Variants in HIVEP3 observed in about 807,000 individuals in gnomAD.
HIVEP3 encodes transcription factor HIVEP3.
A neutral mutation model predicts 152.8 loss-of-function variants in HIVEP3; 49 were observed. The ratio of observed to expected loss-of-function variants is 0.32; its 90% CI spans 0.26 to 0.41. The LOEUF is 0.41. Among genes scored for constraint, HIVEP3 ranks in the 10% least tolerant of loss-of-function variants. The probability of loss-of-function intolerance (pLI) is 1.00; values close to 1 mark genes in which losing one functional copy is unlikely to be tolerated. For missense variants in HIVEP3, 2,790 were observed against 3,103.3 expected (o/e 0.90, Z 2.40); for synonymous variants, 1,269 against 1,289.0 (o/e 0.98, Z 0.33).
intron 1 of HIVEP3, among the ~76,000 whole-genome samples, chr1:41,907,293 G>A (rs1197160566): frequency 6.6e-6 from 1 of 152,150 alleles, no homozygotes; most frequent in African/African-American, 2.4e-5. Context: ...GTAGGGGAGA[G>A]GGGCTACAGT....
chr1:41,602,796 G>A (rs1313959157), intron 3 of HIVEP3, among the ~76,000 whole-genome samples: 1 of 151,796 alleles, frequency 6.6e-6, no homozygotes, highest in East Asian at 1.9e-4. Flanking sequence ...AGGTCTTTGA[G>A]GTATAAAGTT....
chr1:41,753,536 C>T (rs1041071292), intron 1 of HIVEP3, among the ~76,000 whole-genome samples: 3 of 151,886 alleles, frequency 2.0e-5, no homozygotes, highest in East Asian at 1.9e-4. Context: ...GGTGTGGTGG[C>T]ATGTGCCTGT....
At chr1:41,690,796 T>C (rs1030056442) in intron 2 of HIVEP3, among the ~76,000 whole-genome samples, 13 of 152,148 alleles carry the variant, frequency 8.5e-5, no homozygotes, top group African/African-American at 3.1e-4. Context: ...TGGGCACCTG[T>C]AATCCCAGCT....
At chr1:41,707,877 T>C (rs1180817282) in intron 1 of HIVEP3, among the ~76,000 whole-genome samples, 1 of 152,252 alleles carries the variant, frequency 6.6e-6, no homozygotes, top group East Asian at 1.9e-4. Flanking sequence ...AACGGTTTGC[T>C]ATCTGCAGCA....
intron 1 of HIVEP3, among the ~76,000 whole-genome samples, chr1:41,945,409 C>A (rs983581992): frequency 2.6e-5 from 4 of 152,164 alleles, no homozygotes; most frequent in African/African-American, 7.2e-5. Flanking sequence ...TCTCAGATAA[C>A]CCTGATGGCT....
At chr1:41,518,266 T>G in intron 7 of HIVEP3, 136 bp downstream of exon 7, 1 of 764,274 alleles carries the variant, frequency 1.3e-6, no homozygotes, top group Non-Finnish European at 2.4e-6. Flanking sequence ...GGTGAAGCTA[T>G]TGGAGGGAGA....
rs181193747 is a variant in HIVEP3 at position 41,608,842 on chromosome 1, C to T, written c.-522+19907G>A. Among the ~76,000 whole-genome samples the T allele has an allele frequency of 6.5e-3, 976 of 149,378 alleles. 5 individuals are homozygous for T. Among genetic ancestry groups the T allele is most frequent in the African/African-American group, 0.023 (936 of 40,310 alleles). On this transcript the variant is annotated intron_variant, in intron 3 of 8. Transcript: ENST00000372583. ...ATCCCAGCACTTTGGGAGGCCAAGG[C>T]GGGTGGATCACTTGAGGTCAGGAGT...
intron 2 of HIVEP3, among the ~76,000 whole-genome samples, chr1:41,670,724 G>C (rs1159757068): frequency 6.6e-6 from 1 of 152,200 alleles, no homozygotes; most frequent in African/African-American, 2.4e-5. Flanking sequence ...TCATTGAGAA[G>C]GTGGCATTTG....
chr1:41,510,258 C>A lies in HIVEP3; in HGVS notation c.*193G>T. The A allele has an allele frequency of 2.4e-6, 1 of 417,672 alleles. No individual in the cohort carries two copies. Among genetic ancestry groups the A allele is most frequent in the Non-Finnish European group, 4.2e-6 (1 of 240,720 alleles). The allele number at this position is 417,672 out of a possible 1,614,324, so 25.9% of individuals were successfully genotyped here. A position where few individuals can be genotyped will look rare whatever the true frequency, so the allele number is the denominator to read the frequency against. ...TGTATGTATGTGATTTGTTTTGTTTCTTTTTAAGCAACAAAAGGTGTAGAA... is the reference window on the plus strand; with the variant it reads ...TGTATGTATGTGATTTGTTTTGTTTATTTTTAAGCAACAAAAGGTGTAGAA... On this transcript the variant is annotated 3_prime_UTR_variant, in exon 9 of 9. Coordinates refer to ENST00000372583, the MANE Select transcript of HIVEP3 (RefSeq NM_024503.5).
At chr1:41,796,703 T>C (rs1408181946) in intron 1 of HIVEP3, among the ~76,000 whole-genome samples, 4 of 152,256 alleles carry the variant, frequency 2.6e-5, no homozygotes, top group African/African-American at 9.6e-5. Context: ...CTGTATTTTC[T>C]AGATTTTCTA....
intron 1 of HIVEP3, among the ~76,000 whole-genome samples, chr1:41,836,955 C>G (rs186492252): frequency 2.3e-4 from 35 of 152,354 alleles, no homozygotes; most frequent in African/African-American, 7.5e-4. Context: ...ATCCCCTACA[C>G]AGCAGATCAT....
intron 5 of HIVEP3, among the ~76,000 whole-genome samples, chr1:41,539,790 G>C (rs1213443497): frequency 6.6e-6 from 1 of 152,090 alleles, no homozygotes; most frequent in Non-Finnish European, 1.5e-5. Context: ...TATTATTTTT[G>C]CTAAAAACCG....
Position 41,780,219 on chromosome 1 carries a change from G to C in HIVEP3, c.-800-79224C>G, listed in dbSNP as rs548747300. 1.1e-3 allele frequency among the ~76,000 whole-genome samples: 142 copies of C among 134,056 alleles called. 2 individuals carry two copies. The South Asian group carries it at 0.034, about 32-fold the overall frequency. 87.9% of individuals were successfully genotyped at this position (134,056 alleles called of 152,430 possible). ...CACAGCCAGTTCATGTTGTGCAGAG[G>C]CCCACCGCAGTGAGGGGAGAGCTGG... On this transcript the variant is annotated intron_variant, in intron 1 of 8. Coordinates refer to ENST00000372583, the MANE Select transcript of HIVEP3 (RefSeq NM_024503.5).
intron 5 of HIVEP3, among the ~76,000 whole-genome samples, chr1:41,557,776 A>G (rs749610582): frequency 6.6e-6 from 1 of 152,212 alleles, no homozygotes; most frequent in Non-Finnish European, 1.5e-5. Context: ...GTTTTGGGGA[A>G]GAAAGAGAAT....
At position 41,765,083 on chromosome 1, in the gene HIVEP3, TC is replaced by T. The variant is rs566862127; in HGVS notation, c.-800-64089del. ...ATTTGGATCTTGCAATCTCTTTTATTCTTGCCTCTTGAGCTTCTTTGACCTC... is the reference window on the plus strand; with the variant it reads ...ATTTGGATCTTGCAATCTCTTTTATTTTGCCTCTTGAGCTTCTTTGACCTC... On this transcript the variant is annotated intron_variant, in intron 1 of 8. Coordinates refer to ENST00000372583, the MANE Select transcript of HIVEP3 (RefSeq NM_024503.5). 1.2e-4 allele frequency among the ~76,000 whole-genome samples: 18 copies of T among 152,344 alleles called. No individual in the cohort carries two copies. In the East Asian group the frequency reaches 3.3e-3, roughly 28 times the overall value.
At chr1:41,710,079 C>A (rs2124146729) in intron 1 of HIVEP3, among the ~76,000 whole-genome samples, 1 of 152,274 alleles carries the variant, frequency 6.6e-6, no homozygotes, top group Admixed American at 6.5e-5. Context: ...GAGAGCTCTA[C>A]TCAAGTTCAA....
chr1:41,673,744 T>C (rs1167446250), intron 2 of HIVEP3, among the ~76,000 whole-genome samples: 2 of 152,218 alleles, frequency 1.3e-5, no homozygotes, highest in African/African-American at 2.4e-5. Context: ...TGAGTCTAAA[T>C]TGCACATGCT....
chr1:41,665,938 A>C (rs1645789768), intron 2 of HIVEP3, among the ~76,000 whole-genome samples: 1 of 152,132 alleles, frequency 6.6e-6, no homozygotes, highest in African/African-American at 2.4e-5. Flanking sequence ...GGACCAGCAC[A>C]GTGTGTTGGG....
At chr1:41,679,720 CA>C (rs921134179) in intron 2 of HIVEP3, among the ~76,000 whole-genome samples, 3 of 152,218 alleles carry the variant, frequency 2.0e-5, no homozygotes, top group Non-Finnish European at 4.4e-5. Context: ...CAGCCCTGCC[CA>C]TCACTGAATT....
Sources: gnomAD v4.1 joint callset for allele counts (sites outside exome capture counted in the v4.1 genomes callset) on GRCh38, gnomAD v4.1.1 for gene constraint, MANE v1.5 for transcripts, NCBI Gene and HGNC (gene_info 2026-07-23, HGNC 2026-07-21) for gene names.